Variants in SPOCK3 observed in about 807,000 individuals in gnomAD.
SPOCK3 encodes the protein SPARC (osteonectin), cwcv and kazal like domains proteoglycan 3.
A neutral mutation model predicts 56.6 loss-of-function variants in SPOCK3; 30 were observed. That is an observed-to-expected ratio of 0.53 (90% confidence interval 0.40 to 0.72). The LOEUF is 0.72. SPOCK3 is among the 30% of genes least tolerant of loss of function. The pLI is 0.00. For missense variants in SPOCK3, 527 were observed against 530.0 expected (o/e 0.99, Z 0.06); for synonymous variants, 196 against 183.3 (o/e 1.07, Z -0.56).
rs187469631 is a variant in SPOCK3, at chr4:167,134,322, C to T, written c.190-71785G>A. ...TGCTGGGATTACAGGTGTGAGCCAT[C>T]GCACGTGGCGCTTGATGACTTGTAC... On this transcript the variant is annotated intron_variant, in intron 2 of 10. Coordinates refer to ENST00000357545, the MANE Select transcript of SPOCK3 (RefSeq NM_001040159.2). 5.7e-3 allele frequency among the ~76,000 whole-genome samples: 864 copies of T among 152,020 alleles called. 3 individuals are homozygous for T. The highest frequency in any genetic ancestry group is 8.3e-3 in the Non-Finnish European group (566 of 67,994).
intron 6 of SPOCK3, among the ~76,000 whole-genome samples, chr4:166,871,432 A>G (rs1308214495): frequency 2.6e-5 from 4 of 152,142 alleles, no homozygotes; most frequent in Non-Finnish European, 5.9e-5. Context: ...GAACAGCTAT[A>G]TGCTCATAAA....
rs111689836 is a variant in SPOCK3, at chr4:167,066,124, G to T, written c.190-3587C>A. On this transcript the variant is annotated intron_variant, in intron 2 of 10. Coordinates refer to ENST00000357545, the MANE Select transcript of SPOCK3 (RefSeq NM_001040159.2). Reference sequence around the variant, plus strand: ...GTTTATGTGTTTTATTGTTTAAACTGTCTTTTTCCTTGTGGTTTTAATGTT... The same window carrying T: ...GTTTATGTGTTTTATTGTTTAAACTTTCTTTTTCCTTGTGGTTTTAATGTT... Among the ~76,000 whole-genome samples, 1,241 of 151,936 alleles carry T rather than the reference G, an allele frequency of 8.2e-3. 20 individuals are homozygous for T. Among genetic ancestry groups the T allele is most frequent in the African/African-American group, 0.028 (1,181 of 41,490 alleles).
chr4:167,054,855 G>T (rs1236690550), intron 3 of SPOCK3, among the ~76,000 whole-genome samples: 1 of 152,160 alleles, frequency 6.6e-6, no homozygotes. Flanking sequence ...GTGTAAATGT[G>T]TCTGTCCAAG....
chr4:167,000,174 A>G (rs1748803784), intron 4 of SPOCK3, among the ~76,000 whole-genome samples, 175 bp downstream of exon 4: 1 of 152,186 alleles, frequency 6.6e-6, no homozygotes. Context: ...AGTAATTGTG[A>G]CTGATACCAA....
chr4:166,893,096 C>A (rs756305724), intron 5 of SPOCK3, among the ~76,000 whole-genome samples: 3 of 152,020 alleles, frequency 2.0e-5, no homozygotes, highest in Non-Finnish European at 4.4e-5. Flanking sequence ...ATTGTTTGGG[C>A]ATCTACTAGT....
intron 2 of SPOCK3, among the ~76,000 whole-genome samples, chr4:167,196,809 C>A (rs528399949): frequency 1.5e-3 from 225 of 152,238 alleles, no homozygotes; most frequent in Non-Finnish European, 2.7e-3. Context: ...GGTCCTCACA[C>A]AGGCCCTCTC....
intron 3 of SPOCK3, among the ~76,000 whole-genome samples, chr4:167,041,961 CAAT>C (rs1424695859): frequency 2.0e-5 from 3 of 151,936 alleles, no homozygotes; most frequent in South Asian, 2.1e-4. Flanking sequence ...ATAACTTCCT[CAAT>C]AATAAGCATT....
At chr4:167,216,713 G>A (rs967615653) in intron 2 of SPOCK3, among the ~76,000 whole-genome samples, 42 of 152,042 alleles carry the variant, frequency 2.8e-4, no homozygotes, top group African/African-American at 9.9e-4. Context: ...TTTTACCTAC[G>A]TTTTAAATAA....
At chr4:167,184,281 A>G (rs1731763424) in intron 2 of SPOCK3, among the ~76,000 whole-genome samples, 1 of 152,174 alleles carries the variant, frequency 6.6e-6, no homozygotes, top group Non-Finnish European at 1.5e-5. Context: ...CAGCCAATTC[A>G]GTTTTAGGTG....
chr4:166,783,764 G>A (rs2126626676), intron 7 of SPOCK3, among the ~76,000 whole-genome samples: 1 of 152,000 alleles, frequency 6.6e-6, no homozygotes, highest in East Asian at 1.9e-4. Context: ...TTTTCTATTG[G>A]TTTTAACTAT....
chr4:166,996,778 C>T (rs1479369908), intron 4 of SPOCK3, among the ~76,000 whole-genome samples: 1 of 152,152 alleles, frequency 6.6e-6, no homozygotes, highest in African/African-American at 2.4e-5. Context: ...CCATCCTTTA[C>T]ACCGGCAGTG....
At chr4:167,213,055 C>CGTTTATTTACAGAA (rs1233874010) in intron 2 of SPOCK3, among the ~76,000 whole-genome samples, 1 of 152,164 alleles carries the variant, frequency 6.6e-6, no homozygotes, top group Non-Finnish European at 1.5e-5. Context: ...ATTTTCCAGA[C>CGTTTATTTACAGAA]GTTTATTTAC....
intron 2 of SPOCK3, chr4:167,083,354 G>T (rs1215119305): frequency 7.9e-6 from 6 of 761,788 alleles, no homozygotes; most frequent in African/African-American, 3.4e-5. Flanking sequence ...ATTCTCTCTT[G>T]CTGCAGTGAA....
chr4:166,787,565 T>C (rs1026028823), intron 7 of SPOCK3, among the ~76,000 whole-genome samples: 4 of 152,170 alleles, frequency 2.6e-5, no homozygotes, highest in African/African-American at 9.6e-5. Context: ...AAACAACATT[T>C]AATAAAAAAC....
intron 2 of SPOCK3, among the ~76,000 whole-genome samples, chr4:167,210,038 G>C (rs762266332): frequency 6.6e-6 from 1 of 152,142 alleles, no homozygotes; most frequent in East Asian, 1.9e-4. Context: ...AATTGTAGGA[G>C]CACTCCTTTG....
At chr4:167,027,818 G>T (rs1751842689) in intron 3 of SPOCK3, among the ~76,000 whole-genome samples, 1 of 151,998 alleles carries the variant, frequency 6.6e-6, no homozygotes, top group Admixed American at 6.6e-5. Context: ...CGAGGAGGAG[G>T]AGGAAGGGGG....
At chr4:166,811,586 G>C (rs941338238) in intron 6 of SPOCK3, among the ~76,000 whole-genome samples, 5 of 151,794 alleles carry the variant, frequency 3.3e-5, no homozygotes, top group Non-Finnish European at 7.4e-5. Flanking sequence ...ATTCACATAT[G>C]AGAGTGGCAA....
chr4:166,911,661 C>A (rs962956867), intron 5 of SPOCK3, among the ~76,000 whole-genome samples: 1 of 152,080 alleles, frequency 6.6e-6, no homozygotes, highest in Non-Finnish European at 1.5e-5. Flanking sequence ...CCTCAGCCTC[C>A]CGAGTAGCTG....
rs1039851762 is a variant in SPOCK3, at chr4:167,017,706, G to A, written c.236-17243C>T. ...CTGCCAGCCCAGCCCCATCCTGACC[G>A]TTTGTATATGAATGTATGTGTGTGT... On this transcript the variant is annotated intron_variant, in intron 3 of 10. Coordinates refer to ENST00000357545, the MANE Select transcript of SPOCK3 (RefSeq NM_001040159.2). 3.6e-4 allele frequency among the ~76,000 whole-genome samples: 55 copies of A among 151,908 alleles called. 2 individuals are homozygous for A. Among genetic ancestry groups the A allele is most frequent in the Admixed American group, 3.2e-3 (49 of 15,224 alleles).
Sources: allele counts gnomAD v4.1 joint callset (sites outside exome capture counted in the v4.1 genomes callset), GRCh38; gene constraint gnomAD v4.1.1; transcripts MANE v1.5; gene names NCBI Gene and HGNC (gene_info 2026-07-23, HGNC 2026-07-21).